The following NSA2 variants were observed in gnomAD, a reference collection of about 807,000 sequenced individuals.
The protein encoded by NSA2 is NSA2 ribosome biogenesis factor.
In NSA2, 18 loss-of-function variants were observed where a neutral mutation model predicts 34.8. That is an observed-to-expected ratio of 0.52 (90% CI 0.36 to 0.77). NSA2 has a LOEUF of 0.77. NSA2 is among the 30% of genes least tolerant of loss of function. NSA2 has a pLI of 0.00. For missense variants in NSA2, 188 were observed against 314.7 expected, an observed-to-expected ratio of 0.60 and a Z score of 3.05; for synonymous variants, 79 against 100.2, an observed-to-expected ratio of 0.79 and a Z score of 1.26.
In NSA2 at chr5:74,778,823, G is replaced by A. The variant is rs559447082; in HGVS notation, c.*2152G>A. 2 of 152,204 alleles carry A rather than the reference G, an allele frequency of 1.3e-5. No individual in the cohort carries two copies. The highest frequency in any genetic ancestry group is 1.9e-4 in the East Asian group (1 of 5,188). The allele number at this position is 152,204 out of a possible 1,614,324, so 9.4% of individuals were successfully genotyped here. On this transcript the variant is annotated 3_prime_UTR_variant, in exon 6 of 6. Transcript: ENST00000610426. ...AAGTTCACAAAGGACTATGTGTAATGTGACTGGACATTCAACAACTAGACT... is the reference window on the plus strand; with the variant it reads ...AAGTTCACAAAGGACTATGTGTAATATGACTGGACATTCAACAACTAGACT...
In NSA2 at chr5:74,768,985, T is replaced by C; in HGVS notation, c.58T>C (p.Tyr20His). The change falls in exon 2 of 6, where the codon TAC becomes CAC. Residue 20 changes from tyrosine (Y) to histidine (H), a missense_variant. By Grantham distance (83) the Tyr-to-His change is moderately conservative. Transcript: ENST00000610426. The stretch of plus-strand genomic sequence containing the variant: ...TAAACGCTATGGATACCGTTTGGAT[T>C]ACCATGAGAAAAAGAGAAAGAAGGA... ...HRKRYGYRLD[Y>H]HEKKRKKESR... The C allele has an allele frequency of 1.2e-6, 2 of 1,609,238 alleles. No individual in the cohort carries two copies. The highest frequency in any genetic ancestry group is 2.2e-5 in the South Asian group (2 of 89,906).
At chr5:74,773,470 C>CAAAAAAAAAAA (rs768356175) in intron 4 of NSA2, among the ~76,000 whole-genome samples, 1 of 98,996 alleles carries the variant, frequency 1.0e-5, no homozygotes. Flanking sequence ...CCATCTCTAC[C>CAAAAAAAAAAA]AAAAAAAAAA....
chr5:74,779,667 G>T lies in NSA2; in HGVS notation c.*2996G>T, dbSNP rs1215530147. The T allele has an allele frequency of 4.6e-5, 7 of 151,316 alleles. No homozygotes were observed. Among genetic ancestry groups the T allele is most frequent in the Admixed American group, 6.6e-5 (1 of 15,168 alleles). The allele number at this position is 151,316 out of a possible 1,614,324, so 9.4% of individuals were successfully genotyped here. On this transcript the variant is annotated 3_prime_UTR_variant, in exon 6 of 6. Transcript: ENST00000610426. ...TTAGCATTTGTTGAAAAAATAAATG[G>T]CCAAAGTGCTTTAATTTTCATTTAG...
rs996035646 is a variant in NSA2 at position 74,779,428 on chromosome 5, G to T, written c.*2757G>T. 6.6e-6 allele frequency: 1 copy of T among 152,016 alleles called. No homozygotes were observed. The highest frequency in any genetic ancestry group is 1.5e-5 in the Non-Finnish European group (1 of 67,958). 9.4% of individuals were successfully genotyped at this position (152,016 alleles called of 1,614,324 possible). A position where few individuals can be genotyped will look rare whatever the true frequency, so the allele number is the denominator to read the frequency against. The stretch of plus-strand genomic sequence containing the variant: ...TTCCATGTTTAAAATAATTTGAAAA[G>T]AAAGTATTTTAAACAAATCCAAGTA... On this transcript the variant is annotated 3_prime_UTR_variant, in exon 6 of 6. Coordinates refer to ENST00000610426, the MANE Select transcript of NSA2 (RefSeq NM_014886.6).
intron 2 of NSA2, 35 bp from the exon 3 acceptor site, chr5:74,769,179 A>G (rs1208939430): frequency 6.3e-7 from 1 of 1,594,992 alleles, no homozygotes; most frequent in East Asian, 2.2e-5. Flanking sequence ...CATTATTAAA[A>G]CAGATAATCT....
In NSA2 at chr5:74,768,869, G is replaced by T. The variant is rs2112410112; in HGVS notation, c.4-62G>T. On this transcript the variant is annotated intron_variant, in intron 1 of 5. Transcript: ENST00000610426. ...GGGTCTTTGTGCTGTGTAAAAGAAA[G>T]CATTTTAGAATAATTGTCAGTACTT... is the stretch of plus-strand genomic sequence containing the variant. The T allele has an allele frequency of 2.5e-6, 3 of 1,201,042 alleles. No homozygotes were observed. The South Asian group carries it at 5.0e-5, about 20-fold the overall frequency. The allele number at this position is 1,201,042 out of a possible 1,614,324, so 74.4% of individuals were successfully genotyped here. A position where few individuals can be genotyped will look rare whatever the true frequency, so the allele number is the denominator to read the frequency against.
Position 74,778,482 on chromosome 5 carries a change from G to A in NSA2, c.*1811G>A, listed in dbSNP as rs1745233732. 6.6e-6 allele frequency: 1 copy of A among 151,982 alleles called. No individual in the cohort carries two copies. Among genetic ancestry groups the A allele is most frequent in the African/African-American group, 2.4e-5 (1 of 41,446 alleles). 9.4% of individuals were successfully genotyped at this position (151,982 alleles called of 1,614,324 possible). On this transcript the variant is annotated 3_prime_UTR_variant, in exon 6 of 6. Transcript: ENST00000610426. ...GGTAGTGTTCTGGAGTCTGCTATAA[G>A]TAAATCTTTAATGACTAGATGTTTT... is the stretch of plus-strand genomic sequence containing the variant.
chr5:74,770,280 C>T (rs1744872633), intron 3 of NSA2, among the ~76,000 whole-genome samples: 1 of 150,548 alleles, frequency 6.6e-6, no homozygotes, highest in South Asian at 2.1e-4. Flanking sequence ...GCACAGTGAG[C>T]CAAGATTGTA....
Position 74,779,897 on chromosome 5 carries a change from T to TA in NSA2, c.*3227dup, listed in dbSNP as rs1165083041. 2 of 152,210 alleles carry TA rather than the reference T, an allele frequency of 1.3e-5. No homozygotes were observed. Among genetic ancestry groups the TA allele is most frequent in the Admixed American group, 6.5e-5 (1 of 15,282 alleles). 9.4% of individuals were successfully genotyped at this position (152,210 alleles called of 1,614,324 possible). On this transcript the variant is annotated 3_prime_UTR_variant, in exon 6 of 6. Coordinates refer to ENST00000610426, the MANE Select transcript of NSA2 (RefSeq NM_014886.6). ...TGAATACACTTTCAACATCAGTCCT[T>TA]AGCTACCTCAAATAATGACACAAAG...
In NSA2 at chr5:74,769,620, T is replaced by C. The variant is rs1744852563; in HGVS notation, c.342+256T>C. On this transcript the variant is annotated intron_variant, in intron 3 of 5. Transcript: ENST00000610426. ...GGTAAGGAGTGAATTTCAAATTCAA[T>C]ATTTGTCTTCCTGTTTGAAAACCCA... 1.6e-5 allele frequency: 5 copies of C among 314,224 alleles called. 1 individual carries two copies. In the East Asian group the frequency reaches 3.1e-4, roughly 19 times the overall value. 19.5% of individuals were successfully genotyped at this position (314,224 alleles called of 1,614,324 possible).
chr5:74,776,349 CAAA>C (rs1745120451), intron 5 of NSA2, among the ~76,000 whole-genome samples: 1 of 151,878 alleles, frequency 6.6e-6, no homozygotes, highest in Non-Finnish European at 1.5e-5. Context: ...AATACAAAAA[CAAA>C]AAAATTAGCC....
At position 74,769,196 on chromosome 5, in the gene NSA2, T is replaced by C; in HGVS notation, c.192-18T>C. On this transcript the variant is annotated intron_variant, in intron 2 of 5. Coordinates refer to ENST00000610426, the MANE Select transcript of NSA2 (RefSeq NM_014886.6). ...TTATTAAAACAGATAATCTTGAATC[T>C]TTTTTCCTTCTTGGTAGTATCAAGA... is the stretch of plus-strand genomic sequence containing the variant. The C allele has an allele frequency of 6.3e-7, 1 of 1,594,792 alleles. No individual in the cohort carries two copies. Among genetic ancestry groups the C allele is most frequent in the South Asian group, 1.2e-5 (1 of 86,820 alleles).
chr5:74,773,597 G>A (rs548004884), intron 4 of NSA2, among the ~76,000 whole-genome samples: 36 of 152,146 alleles, frequency 2.4e-4, no homozygotes, highest in African/African-American at 7.5e-4. Flanking sequence ...CCAAGATCAC[G>A]CCACTGCACT....
chr5:74,769,332 A>G lies in NSA2; in HGVS notation c.310A>G (p.Asn104Asp), dbSNP rs1490149171. Residue 104 changes from asparagine to aspartate, a missense_variant, in exon 3 of 6, where the codon AAT becomes GAT. Physicochemically the swap from Asn to Asp is conservative, Grantham distance 23. Transcript: ENST00000610426. The stretch of plus-strand genomic sequence containing the variant: ...ACAATCTCGAGCTAAAGTACTTTCC[A>G]ATATGATTAAACAGAAAAGAAAAGA... ...EGQSRAKVLS[N>D]MIKQKRKEKA... 6.8e-6 allele frequency: 11 copies of G among 1,612,028 alleles called. No individual in the cohort carries two copies. Among genetic ancestry groups the G allele is most frequent in the Non-Finnish European group, 9.3e-6 (11 of 1,179,480 alleles).
At chr5:74,769,511 A>T (rs910377620) in intron 3 of NSA2, 147 bp downstream of exon 3, 9 of 636,762 alleles carry the variant, frequency 1.4e-5, no homozygotes, top group Non-Finnish European at 2.2e-5. Context: ...TAAATTTAAT[A>T]AAAAACTTGC....
At chr5:74,770,320 G>A (rs929460608) in intron 3 of NSA2, among the ~76,000 whole-genome samples, 3 of 144,498 alleles carry the variant, frequency 2.1e-5, no homozygotes, top group South Asian at 4.4e-4. Flanking sequence ...GCAACAGAGC[G>A]AGACTCCATC....
chr5:74,769,967 A>C (rs1404046872), intron 3 of NSA2, among the ~76,000 whole-genome samples: 1 of 152,244 alleles, frequency 6.6e-6, no homozygotes, highest in Non-Finnish European at 1.5e-5. Context: ...ATACAGAGAC[A>C]TATTAAGAGG....
chr5:74,768,241 G>A (rs1744776960), intron 1 of NSA2, among the ~76,000 whole-genome samples: 1 of 152,112 alleles, frequency 6.6e-6, no homozygotes, highest in African/African-American at 2.4e-5. Flanking sequence ...CTGGTCAGCG[G>A]GTAAACAGTG....
Position 74,770,722 on chromosome 5 carries a change from C to T in NSA2, c.434C>T (p.Ala145Val). The change falls in exon 4 of 6, where the codon GCA (alanine) becomes GTA (valine). Residue 145 changes from alanine to valine, a missense_variant. Transcript: ENST00000610426. ...VIRTGKRKKK[A>V]WKRMVTKVCF... ...CGAACAGGAAAGAGAAAGAAGAAGGCATGGAAGAGAATGGTTACTAAAGTG... is the reference window on the plus strand; with the variant it reads ...CGAACAGGAAAGAGAAAGAAGAAGGTATGGAAGAGAATGGTTACTAAAGTG... The T allele has an allele frequency of 1.2e-6, 2 of 1,612,762 alleles. No individual in the cohort carries two copies. Among genetic ancestry groups the T allele is most frequent in the African/African-American group, 2.7e-5 (2 of 74,944 alleles).
Sources: allele counts gnomAD v4.1 joint callset (sites outside exome capture counted in the v4.1 genomes callset), GRCh38; gene constraint gnomAD v4.1.1; transcripts MANE v1.5; gene names NCBI Gene and HGNC (gene_info 2026-07-23, HGNC 2026-07-21).